KIF26B: variants seen among roughly 807,000 people sequenced by gnomAD.
KIF26B encodes kinesin family member 26B.
KIF26B carries 63 observed loss-of-function variants against 151.2 expected under a neutral mutation model. That is an observed-to-expected ratio of 0.42 (90% CI 0.34 to 0.51). The LOEUF is 0.51. Ranked by LOEUF, KIF26B falls within the 20% of genes least tolerant of loss-of-function variation. The pLI, the probability that KIF26B is intolerant of heterozygous loss-of-function variation, is 0.07. For missense variants in KIF26B, 2,813 were observed against 2,913.6 expected (o/e 0.97, Z 0.79); for synonymous variants, 1,357 against 1,262.1 (o/e 1.08, Z -1.59).
chr1:245,184,047 GTTGT>G (rs1403179939), intron 2 of KIF26B, among the ~76,000 whole-genome samples: 4 of 9,246 alleles, frequency 4.3e-4, no homozygotes, highest in African/African-American at 1.4e-3. Context: ...GGTGGGAGTT[GTTGT>G]TTTTTTTTTT....
At chr1:245,683,229 A>G (rs2147951333) in intron 10 of KIF26B, among the ~76,000 whole-genome samples, 1 of 152,258 alleles carries the variant, frequency 6.6e-6, no homozygotes, top group East Asian at 1.9e-4. Flanking sequence ...GGGTGATGAG[A>G]CATGGACATG....
Position 245,205,395 on chromosome 1 carries a change from G to T in KIF26B, c.465+48712G>T, listed in dbSNP as rs144544845. 9.0e-3 allele frequency among the ~76,000 whole-genome samples: 1,363 copies of T among 152,276 alleles called. 6 individuals are homozygous for T. Among genetic ancestry groups the T allele is most frequent in the South Asian group, 0.031 (150 of 4,824 alleles). On this transcript the variant is annotated intron_variant, in intron 2 of 14. Coordinates refer to ENST00000407071, the MANE Select transcript of KIF26B (RefSeq NM_018012.4). ...CCTATTCTATAGGCAAAAACAACTG[G>T]AGCACAGCAATACTACTGCCTTATT... is the stretch of plus-strand genomic sequence containing the variant.
chr1:245,625,646 G>C (rs952455416), intron 9 of KIF26B, among the ~76,000 whole-genome samples: 5 of 152,018 alleles, frequency 3.3e-5, no homozygotes, highest in African/African-American at 9.7e-5. Flanking sequence ...TTTTCTTCTA[G>C]CTATTTGAAA....
intron 3 of KIF26B, among the ~76,000 whole-genome samples, chr1:245,385,572 T>C (rs546170129): frequency 3.4e-4 from 52 of 152,178 alleles, no homozygotes; most frequent in African/African-American, 1.2e-3. Flanking sequence ...TATAAAGAGA[T>C]GGAAAGAGGA....
At chr1:245,252,621 C>T (rs1050539294) in intron 2 of KIF26B, among the ~76,000 whole-genome samples, 7 of 150,638 alleles carry the variant, frequency 4.6e-5, no homozygotes, top group African/African-American at 1.5e-4. Context: ...ATCATGTCTG[C>T]AATTATGACT....
chr1:245,458,813 CAG>C (rs1440489353), intron 4 of KIF26B, among the ~76,000 whole-genome samples: 2 of 152,172 alleles, frequency 1.3e-5, no homozygotes, highest in Non-Finnish European at 2.9e-5. Flanking sequence ...ACTGCAATTT[CAG>C]AGAAAATGCT....
intron 4 of KIF26B, among the ~76,000 whole-genome samples, chr1:245,519,880 C>T (rs539448104): frequency 5.3e-5 from 8 of 152,202 alleles, no homozygotes; most frequent in East Asian, 1.9e-4. Context: ...AAACGTTATA[C>T]GGTGCATGAC....
At chr1:245,561,552 T>A (rs1369442573) in intron 5 of KIF26B, among the ~76,000 whole-genome samples, 1 of 152,248 alleles carries the variant, frequency 6.6e-6, no homozygotes, top group African/African-American at 2.4e-5. Flanking sequence ...CTGAGTGCAT[T>A]ACATACAACA....
At chr1:245,363,195 TTC>T (rs144900506) in intron 2 of KIF26B, among the ~76,000 whole-genome samples, 3 of 151,764 alleles carry the variant, frequency 2.0e-5, no homozygotes, top group African/African-American at 4.8e-5. Flanking sequence ...AAGACTTCTT[TTC>T]TCTCTCTCTC....
chr1:245,686,773 C>T lies in KIF26B; in HGVS notation c.3790C>T (p.Leu1264=), dbSNP rs2044530295. The T allele has an allele frequency of 6.2e-7, 1 of 1,613,526 alleles. No individual in the cohort carries two copies. Among genetic ancestry groups the T allele is most frequent in the Non-Finnish European group, 8.5e-7 (1 of 1,179,860 alleles). The change falls in exon 12 of 15, where the codon CTG becomes TTG. Residue 1264 remains leucine (L), a synonymous_variant. Coordinates refer to ENST00000407071, the MANE Select transcript of KIF26B (RefSeq NM_018012.4). This position sits in a 1 kb window ranked among gnomAD's most constrained non-coding sequence, Gnocchi z 5.6. ...GTTCTTGCCCCTCCCGAAGATGAGCCTGGATGAGAAGGCCCAGGACGCAGG... is the reference window on the plus strand; with the variant it reads ...GTTCTTGCCCCTCCCGAAGATGAGCTTGGATGAGAAGGCCCAGGACGCAGG... The part of the protein sequence containing the change: ...TQFLPLPKMS[L]DEKAQDAGSR...
chr1:245,248,174 A>C (rs529065832), intron 2 of KIF26B, among the ~76,000 whole-genome samples: 1 of 152,040 alleles, frequency 6.6e-6, no homozygotes, highest in South Asian at 2.1e-4. Flanking sequence ...TTTATACCCC[A>C]AAATAACTGA....
rs1229287275 is a variant in KIF26B, at chr1:245,687,436, A to G, written c.4453A>G (p.Ser1485Gly). 1 of 1,588,620 alleles carries G rather than the reference A, an allele frequency of 6.3e-7. No individual in the cohort carries two copies. The highest frequency in any genetic ancestry group is 8.6e-7 in the Non-Finnish European group (1 of 1,167,950). The change falls in exon 12 of 15, where the codon AGT (serine) becomes GGT (glycine). Residue 1485 changes from serine (S) to glycine (G), a missense_variant. Physicochemically the swap from Ser to Gly is moderately conservative, Grantham distance 56 (BLOSUM62 0). This residue lies in a region of KIF26B where 2,060 missense variants were observed against 2,088.6 expected (regional missense o/e 0.99). Transcript: ENST00000407071. This position sits in a 1 kb window ranked among gnomAD's most constrained non-coding sequence, Gnocchi z 4.9. Reference sequence around the variant, plus strand: ...AGAGCAGGAGCAGGACGGAAAGCCCAGTCCGGGAGACAGGCTCAGCAGCAG... The same window carrying G: ...AGAGCAGGAGCAGGACGGAAAGCCCGGTCCGGGAGACAGGCTCAGCAGCAG... ...RAEQEQDGKP[S>G]PGDRLSSSSG...
intron 2 of KIF26B, among the ~76,000 whole-genome samples, chr1:245,258,374 G>C (rs73128814): frequency 0.05 from 7,624 of 152,144 alleles, 224 homozygotes; most frequent in African/African-American, 0.083. Context: ...GAGTGCATGC[G>C]GGAGGAGGCC....
chr1:245,464,819 G>T (rs1356948108), intron 4 of KIF26B, among the ~76,000 whole-genome samples: 1 of 151,890 alleles, frequency 6.6e-6, no homozygotes, highest in African/African-American at 2.4e-5. Flanking sequence ...GGCAAGTCAT[G>T]TCCAAACCAG....
chr1:245,493,799 TAAAAGAC>T (rs1660454884), intron 4 of KIF26B, among the ~76,000 whole-genome samples: 1 of 152,066 alleles, frequency 6.6e-6, no homozygotes, highest in Non-Finnish European at 1.5e-5. Flanking sequence ...TAATGAGGCT[TAAAAGAC>T]AAAATTTGGG....
In KIF26B at chr1:245,686,093, T is replaced by C; in HGVS notation, c.3110T>C (p.Leu1037Pro). ...AGTAGCCAGCACAGCGCCTCCCCACTCGTGCAGAGCCCCAGCCTCCAGAGC... is the reference window on the plus strand; with the variant it reads ...AGTAGCCAGCACAGCGCCTCCCCACCCGTGCAGAGCCCCAGCCTCCAGAGC... ...GSSSQHSASP[L>P]VQSPSLQSSR... is the part of the protein sequence containing the mutation. Residue 1037 changes from leucine (L) to proline (P), a missense_variant, in exon 12 of 15, where the codon CTC becomes CCC. By Grantham distance (98) the Leu-to-Pro change is moderately conservative. Around this residue, in one of 3 missense-constraint regions of KIF26B, gnomAD observed 2,060 missense variants for 2,088.6 expected, o/e 0.99. Coordinates refer to ENST00000407071, the MANE Select transcript of KIF26B (RefSeq NM_018012.4). This position sits in a 1 kb window ranked among gnomAD's most constrained non-coding sequence, Gnocchi z 5.6. The C allele has an allele frequency of 6.2e-7, 1 of 1,605,200 alleles. No individual in the cohort carries two copies. Among genetic ancestry groups the C allele is most frequent in the South Asian group, 1.1e-5 (1 of 90,168 alleles).
chr1:245,544,642 A>T (rs1247238667), intron 5 of KIF26B, among the ~76,000 whole-genome samples: 1 of 152,202 alleles, frequency 6.6e-6, no homozygotes, highest in Non-Finnish European at 1.5e-5. Context: ...TTCCTACTGT[A>T]TCACTGGCTG....
At chr1:245,206,889 T>C (rs1344337393) in intron 2 of KIF26B, 1 of 152,184 alleles carries the variant, frequency 6.6e-6, no homozygotes, top group East Asian at 1.9e-4. Flanking sequence ...ATATATGCCA[T>C]TGTAGAGAAT....
intron 4 of KIF26B, among the ~76,000 whole-genome samples, chr1:245,443,103 T>C (rs868552368): frequency 7.6e-6 from 1 of 131,394 alleles, no homozygotes; most frequent in Non-Finnish European, 1.6e-5. Context: ...CACTGTTCAC[T>C]TAGAGGAGAG....
Sources: allele counts gnomAD v4.1 joint callset (sites outside exome capture counted in the v4.1 genomes callset), GRCh38; gene constraint gnomAD v4.1.1; regional missense constraint gnomAD v4.1.1; non-coding constraint Gnocchi (gnomAD v3.1); transcripts MANE v1.5; gene names NCBI Gene and HGNC (gene_info 2026-07-23, HGNC 2026-07-21).